Variants in KLHL25 observed in about 807,000 individuals in gnomAD.
The protein encoded by KLHL25 is kelch-like protein 25.
Under a neutral mutation model 30.0 loss-of-function variants are expected in KLHL25, and 41 were observed. That is an observed-to-expected ratio of 1.37 (90% CI 1.07 to 1.78). KLHL25 has a LOEUF of 1.78. Ranked by LOEUF, KLHL25 falls within the 40% of genes most tolerant of loss-of-function variation. The probability of loss-of-function intolerance (pLI) is 0.00; values close to 1 mark genes in which losing one functional copy is unlikely to be tolerated. For missense variants in KLHL25, 971 were observed against 824.5 expected (o/e 1.18, Z -2.18); for synonymous variants, 399 against 355.3 (o/e 1.12, Z -1.38).
At chr15:85,764,454 G>C (rs1284576980) in intron 2 of KLHL25, 1 of 152,552 alleles carries the variant, frequency 6.6e-6, no homozygotes, top group South Asian at 2.1e-4. Context: ...ACTCAGCGCA[G>C]CAGCCAAGGA....
chr15:85,776,260 G>A (rs530776595), intron 1 of KLHL25, among the ~76,000 whole-genome samples: 28 of 151,794 alleles, frequency 1.8e-4, no homozygotes, highest in African/African-American at 4.6e-4. Context: ...AGGCTGAAGC[G>A]GGCAGATCAC....
At chr15:85,787,933 G>A (rs1281544446) in intron 1 of KLHL25, among the ~76,000 whole-genome samples, 1 of 150,964 alleles carries the variant, frequency 6.6e-6, no homozygotes, top group Non-Finnish European at 1.5e-5. Flanking sequence ...GTGGTGGCTT[G>A]CGCCTGTAAT....
chr15:85,779,559 T>G (rs2089731012), intron 1 of KLHL25, among the ~76,000 whole-genome samples: 1 of 152,224 alleles, frequency 6.6e-6, no homozygotes, highest in Non-Finnish European at 1.5e-5. Flanking sequence ...CAAACACAAC[T>G]ACTATTTTCA....
intron 1 of KLHL25, among the ~76,000 whole-genome samples, chr15:85,784,075 C>T (rs1424197739): frequency 1.3e-5 from 2 of 152,222 alleles, no homozygotes; most frequent in Non-Finnish European, 1.5e-5. Context: ...GTTATTGATG[C>T]AGGTCCATGG....
chr15:85,791,495 A>C (rs543479306), intron 1 of KLHL25, among the ~76,000 whole-genome samples: 1 of 152,324 alleles, frequency 6.6e-6, no homozygotes, highest in Non-Finnish European at 1.5e-5. Flanking sequence ...ACTCCTTCTC[A>C]AAAGAAAAAA....
chr15:85,783,075 T>G (rs551851403), intron 1 of KLHL25, among the ~76,000 whole-genome samples: 2 of 152,288 alleles, frequency 1.3e-5, no homozygotes, highest in Non-Finnish European at 2.9e-5. Context: ...TGCAATATAA[T>G]CAACATATAC....
chr15:85,766,331 G>A (rs1048408002), intron 2 of KLHL25, among the ~76,000 whole-genome samples: 3 of 152,190 alleles, frequency 2.0e-5, no homozygotes, highest in Admixed American at 6.5e-5. Context: ...CAGGGGTGAG[G>A]GGCCCAGGAC....
At chr15:85,786,091 G>A (rs1035385691) in intron 1 of KLHL25, among the ~76,000 whole-genome samples, 28 of 151,948 alleles carry the variant, frequency 1.8e-4, no homozygotes, top group Admixed American at 1.4e-3. Context: ...TGCTTTCAGC[G>A]AGGCCCCTCC....
At chr15:85,793,449 G>A (rs1007244336) in intron 1 of KLHL25, among the ~76,000 whole-genome samples, 5 of 151,958 alleles carry the variant, frequency 3.3e-5, no homozygotes, top group African/African-American at 4.8e-5. Context: ...TCCGGTCTTG[G>A]GACACCAAAT....
At chr15:85,794,643 TC>T (rs2089840562) in intron 1 of KLHL25, 122 bp downstream of exon 1, 1 of 151,912 alleles carries the variant, frequency 6.6e-6, no homozygotes, top group Non-Finnish European at 1.5e-5. Context: ...GGACACGTAG[TC>T]CCGCGGGGGC....
Position 85,769,636 on chromosome 15 carries a change from AG to A in KLHL25, c.174del (p.Cys59ValfsTer94). On this transcript the variant is annotated frameshift_variant, in exon 2 of 3. Coordinates refer to ENST00000337975, the MANE Select transcript of KLHL25 (RefSeq NM_022480.4). LOFTEE classifies it high-confidence loss of function. Reference sequence around the variant, plus strand: ...GAGGCGGCCAGCACGGCACGGTGACAGGGGAAGGCACGGTCGCCCGCCCAGA... The same window carrying A: ...GAGGCGGCCAGCACGGCACGGTGACAGGGAAGGCACGGTCGCCCGCCCAGA... ...VTLWAGDRAF[P>X]CHRAVLAASS... 6.2e-7 allele frequency: 1 copy of A among 1,613,446 alleles called. No individual in the cohort carries two copies. The highest frequency in any genetic ancestry group is 8.5e-7 in the Non-Finnish European group (1 of 1,180,002).
chr15:85,794,586 C>T (rs1467985522), intron 1 of KLHL25, among the ~76,000 whole-genome samples, 180 bp downstream of exon 1: 2 of 152,222 alleles, frequency 1.3e-5, no homozygotes, highest in Non-Finnish European at 2.9e-5. Flanking sequence ...CCGCCGCTCC[C>T]CACCATTGTC....
chr15:85,763,214 G>C (rs746714874), intron 2 of KLHL25: 2 of 152,424 alleles, frequency 1.3e-5, no homozygotes, highest in African/African-American at 2.4e-5. Context: ...GGATCCAACC[G>C]CAACACTGGA....
chr15:85,785,357 T>G (rs1468297587), intron 1 of KLHL25, among the ~76,000 whole-genome samples: 1 of 152,154 alleles, frequency 6.6e-6, no homozygotes, highest in Non-Finnish European at 1.5e-5. Context: ...CCTCCCAAAG[T>G]GCTGGGATTA....
intron 2 of KLHL25, chr15:85,761,995 T>C (rs1484405893): frequency 6.6e-6 from 1 of 152,246 alleles, no homozygotes; most frequent in African/African-American, 2.4e-5. Flanking sequence ...GCTGTCCCCT[T>C]TAAGTGGGGT....
intron 1 of KLHL25, among the ~76,000 whole-genome samples, chr15:85,773,050 T>C (rs183027528): frequency 1.6e-3 from 251 of 152,338 alleles, no homozygotes; most frequent in African/African-American, 5.7e-3. Context: ...TGATCCCAAG[T>C]GAGGCACTGG....
In KLHL25 at chr15:85,781,202, G is replaced by A. The variant is rs72751892; in HGVS notation, c.-10-11382C>T. Among the ~76,000 whole-genome samples, 315 of 152,276 alleles carry A rather than the reference G, an allele frequency of 2.1e-3. 2 individuals carry two copies. The highest frequency in any genetic ancestry group is 3.0e-3 in the Admixed American group (46 of 15,292). ...CAGCTACTCAGGAGCCCGTATCCCA[G>A]CCCGTATCAATGAACTTTTGTACTC... On this transcript the variant is annotated intron_variant, in intron 1 of 2. Coordinates refer to ENST00000337975, the MANE Select transcript of KLHL25 (RefSeq NM_022480.4).
intron 1 of KLHL25, among the ~76,000 whole-genome samples, chr15:85,771,917 C>T (rs1483024555): frequency 6.6e-6 from 1 of 152,220 alleles, no homozygotes; most frequent in Non-Finnish European, 1.5e-5. Flanking sequence ...TGGCACGGAG[C>T]CTGAGAGACT....
At chr15:85,793,484 G>C (rs2089830200) in intron 1 of KLHL25, among the ~76,000 whole-genome samples, 1 of 152,112 alleles carries the variant, frequency 6.6e-6, no homozygotes, top group South Asian at 2.1e-4. Context: ...GGTAGACTTT[G>C]TGTCCTACTC....
Sources: gnomAD v4.1 joint callset for allele counts (sites outside exome capture counted in the v4.1 genomes callset) on GRCh38, gnomAD v4.1.1 for gene constraint, MANE v1.5 for transcripts, NCBI Gene and HGNC (gene_info 2026-07-23, HGNC 2026-07-21) for gene names.